The following MYOM2 variants were observed in gnomAD, a reference collection of about 807,000 sequenced individuals.
The protein encoded by MYOM2 is myomesin-2.
MYOM2 carries 254 observed loss-of-function variants against 187.6 expected under a neutral mutation model. That is an observed-to-expected ratio of 1.35 (90% confidence interval 1.22 to 1.50). The LOEUF (loss-of-function observed/expected upper bound fraction) is 1.50, where lower values mean the gene tolerates loss of function less well. Ranked by LOEUF, MYOM2 falls within the 40% of genes most tolerant of loss-of-function variation. MYOM2 has a pLI of 0.00. For synonymous variants in MYOM2, 981 were observed against 753.8 expected (o/e 1.30, Z -4.94); for missense variants, 2,796 against 1,924.0 (o/e 1.45, Z -8.48).
chr8:2,051,645 C>T (rs1229226365), intron 2 of MYOM2, among the ~76,000 whole-genome samples: 2 of 152,152 alleles, frequency 1.3e-5, no homozygotes, highest in South Asian at 2.1e-4. Flanking sequence ...TGTCTCAAAT[C>T]CCTCAAGATA....
At chr8:2,047,524 G>A (rs1187024873) in intron 1 of MYOM2, among the ~76,000 whole-genome samples, 2 of 152,204 alleles carry the variant, frequency 1.3e-5, no homozygotes, top group Non-Finnish European at 2.9e-5. Context: ...GAGCTCTAAG[G>A]TGTTTTCATT....
chr8:2,088,493 G>A (rs1214693981), intron 14 of MYOM2, among the ~76,000 whole-genome samples: 3 of 152,242 alleles, frequency 2.0e-5, no homozygotes, highest in African/African-American at 4.8e-5. Flanking sequence ...CCAGTGTTTA[G>A]CTCCCACTTA....
At chr8:2,053,540 T>C (rs961296427) in intron 3 of MYOM2, among the ~76,000 whole-genome samples, 2 of 152,206 alleles carry the variant, frequency 1.3e-5, no homozygotes, top group Admixed American at 1.3e-4. Flanking sequence ...GCTGGTAAAA[T>C]GGTAACAGTG....
In MYOM2 at chr8:2,092,342, A is replaced by G; in HGVS notation, c.1829-4A>G. The G allele has an allele frequency of 6.2e-7, 1 of 1,613,574 alleles. No homozygotes were observed. The highest frequency in any genetic ancestry group is 2.2e-5 in the East Asian group (1 of 44,870). Reference sequence around the variant, plus strand: ...TCACCACTCCTTTTGTCTCCTACGAAAAGTTGTCCCTTCTGCTCCGGGTCG... The same window carrying G: ...TCACCACTCCTTTTGTCTCCTACGAGAAGTTGTCCCTTCTGCTCCGGGTCG... On this transcript the variant is annotated splice_region_variant and splice_polypyrimidine_tract_variant and intron_variant, in intron 15 of 36. Transcript: ENST00000262113.
intron 21 of MYOM2, among the ~76,000 whole-genome samples, chr8:2,104,642 G>A (rs530404409): frequency 3.9e-5 from 6 of 152,094 alleles, no homozygotes; most frequent in African/African-American, 1.4e-4. Flanking sequence ...TTTGGCTCAT[G>A]ATTCTGGAGG....
Position 2,085,511 on chromosome 8 carries a change from C to T in MYOM2, c.1644+121C>T, listed in dbSNP as rs58304326. ...TGGCCCCTCACTGTTGTGATCTCCG[C>T]GTGGCCCCCCACTGTTGTGATCTCT... On this transcript the variant is annotated intron_variant, in intron 14 of 36. Transcript: ENST00000262113. 3,620 of 866,348 alleles carry T rather than the reference C, an allele frequency of 4.2e-3. 170 individuals are homozygous for T. Among genetic ancestry groups the T allele is most frequent in the African/African-American group, 0.011 (407 of 37,224 alleles). 53.7% of individuals were successfully genotyped at this position (866,348 alleles called of 1,614,324 possible). A position where few individuals can be genotyped will look rare whatever the true frequency, so the allele number is the denominator to read the frequency against.
At chr8:2,129,466 T>A (rs1797775746) in intron 32 of MYOM2, among the ~76,000 whole-genome samples, 1 of 152,172 alleles carries the variant, frequency 6.6e-6, no homozygotes, top group African/African-American at 2.4e-5. Flanking sequence ...ACAGACAAAT[T>A]TCTCTAGTGT....
intron 6 of MYOM2, among the ~76,000 whole-genome samples, chr8:2,065,957 G>A (rs1025308380): frequency 4.6e-5 from 7 of 152,204 alleles, no homozygotes; most frequent in African/African-American, 7.2e-5. Flanking sequence ...GCCGTGGGGC[G>A]CAGTGTGAAC....
At chr8:2,054,854 T>C (rs1362056145) in intron 3 of MYOM2, among the ~76,000 whole-genome samples, 3 of 147,432 alleles carry the variant, frequency 2.0e-5, no homozygotes, top group Non-Finnish European at 3.0e-5. Context: ...GAACACATAT[T>C]CCTAGAACTC....
rs1032007539 is a variant in MYOM2, at chr8:2,045,101, T to C, written c.-80T>C. On this transcript the variant is annotated 5_prime_UTR_variant, in exon 1 of 37. Transcript: ENST00000262113. ...TCAGCTCTGCCTTCCTCGGCTGGAG[T>C]GTGGGTGGCTTGGTGAGCCGGTGGT... The C allele has an allele frequency of 2.6e-5, 4 of 152,228 alleles. No homozygotes were observed. Among genetic ancestry groups the C allele is most frequent in the Non-Finnish European group, 5.9e-5 (4 of 68,062 alleles). The allele number at this position is 152,228 out of a possible 1,614,324, so 9.4% of individuals were successfully genotyped here.
intron 25 of MYOM2, among the ~76,000 whole-genome samples, chr8:2,114,923 C>G (rs912839760): frequency 2.0e-5 from 3 of 151,924 alleles, no homozygotes; most frequent in African/African-American, 7.3e-5. Context: ...TTCAGAATTA[C>G]AAGGAAGAGA....
intron 3 of MYOM2, among the ~76,000 whole-genome samples, chr8:2,053,561 T>C (rs1554539339): frequency 6.6e-6 from 1 of 152,270 alleles, no homozygotes; most frequent in South Asian, 2.1e-4. Context: ...AGTGGCTTAC[T>C]GTGATTCATA....
intron 32 of MYOM2, among the ~76,000 whole-genome samples, chr8:2,132,436 A>G (rs1313303003): frequency 6.6e-6 from 1 of 152,236 alleles, no homozygotes; most frequent in African/African-American, 2.4e-5. Flanking sequence ...TTCAGTAAAA[A>G]TGTTCTTAAG....
chr8:2,094,043 A>G lies in MYOM2; in HGVS notation c.2077A>G (p.Ser693Gly). 1 of 1,614,166 alleles carries G rather than the reference A, an allele frequency of 6.2e-7. No individual in the cohort carries two copies. Among genetic ancestry groups the G allele is most frequent in the Non-Finnish European group, 8.5e-7 (1 of 1,180,034 alleles). The change falls in exon 17 of 37, where the codon AGT becomes GGT. Residue 693 changes from serine to glycine, a missense_variant. Ser to Gly is a moderately conservative substitution (Grantham distance 56). Transcript: ENST00000262113. The part of the protein sequence containing the change: ...RVKAVNAVGM[S>G]ENSQESDVIK... ...CAAGGCGGTCAATGCTGTGGGGATG[A>G]GTGAAAATTCCCAGGAATCAGACGT...
rs1796049468 is a variant in MYOM2, at chr8:2,086,349, TCTGCGTGGCCTC to T, written c.1644+961_1644+972del. 2.2e-4 allele frequency among the ~76,000 whole-genome samples: 19 copies of T among 86,626 alleles called. 5 individuals are homozygous for T. The highest frequency in any genetic ancestry group is 3.3e-4 in the Non-Finnish European group (14 of 41,940). 56.8% of individuals were successfully genotyped at this position (86,626 alleles called of 152,430 possible). ...TGCGTGGCCCCCCACTGTTGTGATC[TCTGCGTGGCCTC>T]CCACTGTTGTGATCTCTGCGTGGCC... is the stretch of plus-strand genomic sequence containing the variant. On this transcript the variant is annotated intron_variant, in intron 14 of 36. Transcript: ENST00000262113.
intron 25 of MYOM2, among the ~76,000 whole-genome samples, chr8:2,115,279 T>C (rs1236852808): frequency 1.3e-5 from 2 of 152,034 alleles, no homozygotes; most frequent in African/African-American, 4.8e-5. Context: ...CATCACAAAA[T>C]CAGAGGGAAA....
chr8:2,125,458 A>C (rs1323234844), intron 31 of MYOM2, among the ~76,000 whole-genome samples: 1 of 152,026 alleles, frequency 6.6e-6, no homozygotes, highest in Non-Finnish European at 1.5e-5. Flanking sequence ...TGTCTGTTCT[A>C]ATGTCAGTGC....
intron 17 of MYOM2, 98 bp from the exon 18 acceptor site, chr8:2,096,149 T>C (rs1025740512): frequency 8.5e-7 from 1 of 1,179,982 alleles, no homozygotes; most frequent in African/African-American, 1.5e-5. Flanking sequence ...CGTCTCCACG[T>C]TGCTTCCTCC....
chr8:2,121,390 A>G (rs1018209439), intron 28 of MYOM2, among the ~76,000 whole-genome samples: 1 of 152,184 alleles, frequency 6.6e-6, no homozygotes, highest in African/African-American at 2.4e-5. Context: ...CTCTGATATC[A>G]TCTTAGTGGG....
Sources: gnomAD v4.1 joint callset for allele counts (sites outside exome capture counted in the v4.1 genomes callset) on GRCh38, gnomAD v4.1.1 for gene constraint, MANE v1.5 for transcripts, NCBI Gene and HGNC (gene_info 2026-07-23, HGNC 2026-07-21) for gene names.